KCMF1: variants seen among roughly 807,000 people sequenced by gnomAD.
KCMF1 encodes E3 ubiquitin-protein ligase KCMF1.
In KCMF1, 3 loss-of-function variants were observed where a neutral mutation model predicts 41.1. That is an observed-to-expected ratio of 0.07 (90% confidence interval 0.03 to 0.19). The LOEUF is 0.19. KCMF1 is among the 10% of genes least tolerant of loss of function. The probability of loss-of-function intolerance (pLI) is 1.00; values close to 1 mark genes in which losing one functional copy is unlikely to be tolerated. For synonymous variants in KCMF1, 142 were observed against 164.5 expected, an observed-to-expected ratio of 0.86 and a Z score of 1.04; for missense variants, 286 against 488.9, an observed-to-expected ratio of 0.58 and a Z score of 3.91.
intron 1 of KCMF1, among the ~76,000 whole-genome samples, chr2:84,983,926 A>G (rs1673831673): frequency 6.6e-6 from 1 of 152,230 alleles, no homozygotes; most frequent in Non-Finnish European, 1.5e-5. Flanking sequence ...TACAGGAGTG[A>G]GTCCCTATTC....
chr2:84,971,352 G>A lies in KCMF1; in HGVS notation c.-100G>A. On this transcript the variant is annotated 5_prime_UTR_variant, in exon 1 of 7. Coordinates refer to ENST00000409785, the MANE Select transcript of KCMF1 (RefSeq NM_020122.5). ...GCCCCCGCGGCCGAGCCCGGGAGTC[G>A]AGTGGGAGTCGGCCGGCCGGCGCGG... 2 of 702,752 alleles carry A rather than the reference G, an allele frequency of 2.8e-6. No homozygotes were observed. The highest frequency in any genetic ancestry group is 3.6e-6 in the Non-Finnish European group (2 of 560,586). 43.5% of individuals were successfully genotyped at this position (702,752 alleles called of 1,614,324 possible). A position where few individuals can be genotyped will look rare whatever the true frequency, so the allele number is the denominator to read the frequency against.
intron 1 of KCMF1, among the ~76,000 whole-genome samples, chr2:84,975,076 C>T (rs1401836024): frequency 6.6e-6 from 1 of 152,102 alleles, no homozygotes; most frequent in Non-Finnish European, 1.5e-5. Flanking sequence ...TTCAAAAATA[C>T]AAATAACCAT....
chr2:85,008,293 T>TC (rs1674533655), intron 1 of KCMF1, among the ~76,000 whole-genome samples: 1 of 92,406 alleles, frequency 1.1e-5, no homozygotes, highest in Admixed American at 1.2e-4. Flanking sequence ...ATATATAATA[T>TC]ATATAATATA....
chr2:85,029,778 T>G (rs1675220490), intron 2 of KCMF1, among the ~76,000 whole-genome samples: 1 of 147,626 alleles, frequency 6.8e-6, no homozygotes, highest in African/African-American at 2.5e-5. Flanking sequence ...ACCTCCTGGG[T>G]TCAAGCGATT....
chr2:85,024,553 T>TGAGAGAGAGA (rs377478206), intron 1 of KCMF1, among the ~76,000 whole-genome samples: 14 of 141,764 alleles, frequency 9.9e-5, no homozygotes, highest in Admixed American at 9.3e-4. Context: ...ATTTGGAGAG[T>TGAGAGAGAGA]GAGAGAGAGA....
In KCMF1 at chr2:84,989,593, G is replaced by A. The variant is rs148796500; in HGVS notation, c.16+18126G>A. On this transcript the variant is annotated intron_variant, in intron 1 of 6. Coordinates refer to ENST00000409785, the MANE Select transcript of KCMF1 (RefSeq NM_020122.5). ...ATTACCACAAGAAAAGATAATTGCT[G>A]TAGTTGTAGAGGTGAGTAAGAGTCA... is the stretch of plus-strand genomic sequence containing the variant. Among the ~76,000 whole-genome samples the A allele has an allele frequency of 1.3e-3, 195 of 152,296 alleles. 2 individuals carry two copies. The highest frequency in any genetic ancestry group is 4.5e-3 in the African/African-American group (189 of 41,570).
At chr2:85,043,529 C>A in intron 3 of KCMF1, 35 bp from the exon 4 acceptor site, 1 of 1,215,316 alleles carries the variant, frequency 8.2e-7, no homozygotes. Flanking sequence ...TATTGACGTT[C>A]ATTTATTAAG....
At chr2:85,030,178 T>C (rs1558581664) in intron 2 of KCMF1, among the ~76,000 whole-genome samples, 1 of 152,216 alleles carries the variant, frequency 6.6e-6, no homozygotes, top group South Asian at 2.1e-4. Flanking sequence ...TTGCCCATTT[T>C]TTAATTGGAT....
At chr2:85,008,090 G>A (rs1674516380) in intron 1 of KCMF1, among the ~76,000 whole-genome samples, 1 of 151,484 alleles carries the variant, frequency 6.6e-6, no homozygotes, top group Non-Finnish European at 1.5e-5. Flanking sequence ...AAGTTTACAT[G>A]AACACCAAGT....
Position 85,056,402 on chromosome 2 carries a change from A to G in KCMF1, c.*2993A>G, listed in dbSNP as rs1173881318. ...TGTGTTTTTTTCCGGTCTGTGGGCC[A>G]CAGTTAAAAGAACGGGTAACAGGTT... On this transcript the variant is annotated 3_prime_UTR_variant, in exon 7 of 7. Transcript: ENST00000409785. 1 of 152,138 alleles carries G rather than the reference A, an allele frequency of 6.6e-6. No homozygotes were observed. The highest frequency in any genetic ancestry group is 1.5e-5 in the Non-Finnish European group (1 of 68,034). The allele number at this position is 152,138 out of a possible 1,614,324, so 9.4% of individuals were successfully genotyped here. A position where few individuals can be genotyped will look rare whatever the true frequency, so the allele number is the denominator to read the frequency against.
chr2:85,009,998 A>G (rs1030897062), intron 1 of KCMF1, among the ~76,000 whole-genome samples: 12 of 152,188 alleles, frequency 7.9e-5, no homozygotes, highest in African/African-American at 2.7e-4. Context: ...CCCTTTGCCC[A>G]TACTGGGATT....
At chr2:84,972,628 C>G (rs2103954478) in intron 1 of KCMF1, among the ~76,000 whole-genome samples, 1 of 152,250 alleles carries the variant, frequency 6.6e-6, no homozygotes, top group African/African-American at 2.4e-5. Context: ...TTTAGTGAGT[C>G]AGTTTAGTGT....
rs372601413 is a variant in KCMF1 at position 84,994,956 on chromosome 2, C to A, written c.16+23489C>A. Among the ~76,000 whole-genome samples, 10 of 152,214 alleles carry A rather than the reference C, an allele frequency of 6.6e-5. No homozygotes were observed. The East Asian group carries it at 1.2e-3, about 18-fold the overall frequency. ...CATTTTAATGATATTTTAATACATT[C>A]TTTTCATCGCCTGTATTTCTTTTAA... On this transcript the variant is annotated intron_variant, in intron 1 of 6. Transcript: ENST00000409785.
chr2:85,054,945 A>C lies in KCMF1; in HGVS notation c.*1536A>C, dbSNP rs1193879998. 6.6e-6 allele frequency: 1 copy of C among 152,128 alleles called. No individual in the cohort carries two copies. The highest frequency in any genetic ancestry group is 2.4e-5 in the African/African-American group (1 of 41,418). 9.4% of individuals were successfully genotyped at this position (152,128 alleles called of 1,614,324 possible). A position where few individuals can be genotyped will look rare whatever the true frequency, so the allele number is the denominator to read the frequency against. Reference sequence around the variant, plus strand: ...AACTGTGAAGTCCATGTTCATCCAAATGTAACCAAAAAAGAAGTCACCCTA... The same window carrying C: ...AACTGTGAAGTCCATGTTCATCCAACTGTAACCAAAAAAGAAGTCACCCTA... On this transcript the variant is annotated 3_prime_UTR_variant, in exon 7 of 7. Coordinates refer to ENST00000409785, the MANE Select transcript of KCMF1 (RefSeq NM_020122.5).
chr2:85,049,316 G>A (rs751514251), intron 5 of KCMF1, 50 bp from the exon 6 acceptor site: 1 of 1,575,162 alleles, frequency 6.3e-7, no homozygotes, highest in South Asian at 1.1e-5. Flanking sequence ...GTAGCGTTTT[G>A]TTTTCCTCAG....
chr2:85,037,869 A>G (rs1675440713), intron 3 of KCMF1, among the ~76,000 whole-genome samples: 1 of 152,220 alleles, frequency 6.6e-6, no homozygotes, highest in East Asian at 1.9e-4. Flanking sequence ...GGGCCAGCGG[A>G]CATTACCGCC....
chr2:84,988,183 G>C (rs1673949601), intron 1 of KCMF1, among the ~76,000 whole-genome samples: 1 of 151,818 alleles, frequency 6.6e-6, no homozygotes, highest in Non-Finnish European at 1.5e-5. Context: ...GGTGAGCCAA[G>C]ATCGCGCCAT....
chr2:85,021,838 A>C (rs1674952093), intron 1 of KCMF1, among the ~76,000 whole-genome samples: 1 of 152,060 alleles, frequency 6.6e-6, no homozygotes. Context: ...TTTGTTGAGA[A>C]GAAATCTTGC....
intron 3 of KCMF1, among the ~76,000 whole-genome samples, chr2:85,037,273 T>C (rs1314387800): frequency 6.6e-6 from 1 of 152,180 alleles, no homozygotes; most frequent in East Asian, 1.9e-4. Flanking sequence ...TCTACATATG[T>C]TCCCACCCAT....
Sources: allele counts gnomAD v4.1 joint callset (sites outside exome capture counted in the v4.1 genomes callset), GRCh38; gene constraint gnomAD v4.1.1; transcripts MANE v1.5; gene names NCBI Gene and HGNC (gene_info 2026-07-23, HGNC 2026-07-21).